The following FANCD2 variants were observed in gnomAD, a reference collection of about 807,000 sequenced individuals.
The protein encoded by FANCD2 is FA complementation group D2, also known as Fanconi anemia group D2 protein.
A neutral mutation model predicts 192.3 loss-of-function variants in FANCD2; 131 were observed. That is an observed-to-expected ratio of 0.68 (90% CI 0.59 to 0.79). The LOEUF is 0.79. Ranked by LOEUF, FANCD2 falls within the 30% of genes least tolerant of loss-of-function variation. The pLI, the probability that FANCD2 is intolerant of heterozygous loss-of-function variation, is 0.00. For synonymous variants in FANCD2, 524 were observed against 612.5 expected (o/e 0.86, Z 2.13); for missense variants, 1,508 against 1,701.6 (o/e 0.89, Z 2.00).
At position 10,074,568 on chromosome 3, in the gene FANCD2, A is replaced by G. The variant is rs149395670; in HGVS notation, c.2754A>G (p.Leu918=). ...AGGAAGAAAAGACATCATTGTTACT[A>G]CATAATTCCCATGCTTTTTTCCGAG... ...TGKEEKTSLL[L]HNSHAFFREL... Residue 918 remains leucine (L), a synonymous_variant, in exon 29 of 44, where the codon CTA becomes CTG. Coordinates refer to ENST00000675286, the MANE Select transcript of FANCD2 (RefSeq NM_001018115.3). 312 of 1,613,852 alleles carry G rather than the reference A, an allele frequency of 1.9e-4. No individual in the cohort carries two copies. Among genetic ancestry groups the G allele is most frequent in the Admixed American group, 8.5e-4 (51 of 60,024 alleles).
In FANCD2 at chr3:10,095,218, C is replaced by T; in HGVS notation, c.3982C>T (p.Leu1328=). ...RKHREDVLSL[L]ETFQLDTRLL... is the part of the protein sequence containing the mutation. ...GTTATAGGAAGATGTTCTGAGCTTA[C>T]TGGAAACCTTCCAGTTGGACACAAG... The change falls in exon 41 of 44, where the codon CTG becomes TTG. Residue 1328 remains leucine, a synonymous_variant. Transcript: ENST00000675286. 1 of 1,614,032 alleles carries T rather than the reference C, an allele frequency of 6.2e-7. No homozygotes were observed. The highest frequency in any genetic ancestry group is 8.5e-7 in the Non-Finnish European group (1 of 1,179,874).
chr3:10,098,794 C>T lies in FANCD2; in HGVS notation c.4260C>T (p.Ala1420=), dbSNP rs367882112. The part of the protein sequence containing the change: ...DESEDDMSSQ[A]SKSKATEDGE... Reference sequence around the variant, plus strand: ...GTGAGGATGACATGTCATCCCAGGCCTCCAAGAGCAAAGCCACTGAGGTAT... The same window carrying T: ...GTGAGGATGACATGTCATCCCAGGCTTCCAAGAGCAAAGCCACTGAGGTAT... The change falls in exon 43 of 44, where the codon GCC becomes GCT. Residue 1420 remains alanine, a synonymous_variant. Transcript: ENST00000675286. 3 of 1,614,066 alleles carry T rather than the reference C, an allele frequency of 1.9e-6. No homozygotes were observed. The highest frequency in any genetic ancestry group is 2.7e-5 in the African/African-American group (2 of 74,922).
chr3:10,063,717 G>A (rs1247162746), intron 20 of FANCD2, 75 bp from the exon 21 acceptor site: 47 of 1,601,498 alleles, frequency 2.9e-5, no homozygotes, highest in Non-Finnish European at 3.8e-5. Context: ...TGAAAAAACA[G>A]TCTTGAAAGG....
rs1490980771 is a variant in FANCD2 at position 10,046,844 on chromosome 3, G to T, written c.1278+121G>T. On this transcript the variant is annotated intron_variant, in intron 15 of 43. Transcript: ENST00000675286. ...ATTGAGATTTTTGAATTTTGTTTTT[G>T]CATTAATCATTTTAATTGTCTATCT... The T allele has an allele frequency of 5.2e-5, 46 of 876,850 alleles. No individual in the cohort carries two copies. The Admixed American group carries it at 9.9e-4, about 19-fold the overall frequency. The allele number at this position is 876,850 out of a possible 1,614,324, so 54.3% of individuals were successfully genotyped here.
At chr3:10,049,263 T>G in intron 16 of FANCD2, 111 bp from the exon 17 acceptor site, 1 of 1,134,038 alleles carries the variant, frequency 8.8e-7, no homozygotes, top group East Asian at 2.3e-5. Flanking sequence ...TGGGTTTGGG[T>G]TGATTGTGAT....
chr3:10,083,767 A>C (rs1693992811), intron 32 of FANCD2: 1 of 151,266 alleles, frequency 6.6e-6, no homozygotes, highest in Non-Finnish European at 1.5e-5. Context: ...AGGCGCCTGT[A>C]GTCCCAGCTA....
At chr3:10,068,745 A>G (rs922499447) in intron 26 of FANCD2, among the ~76,000 whole-genome samples, 4 of 152,198 alleles carry the variant, frequency 2.6e-5, no homozygotes, top group African/African-American at 9.6e-5. Context: ...ACTTCAAATT[A>G]TACTACAGAG....
chr3:10,072,657 A>G (rs1693318183), intron 26 of FANCD2, among the ~76,000 whole-genome samples: 1 of 152,234 alleles, frequency 6.6e-6, no homozygotes, highest in African/African-American at 2.4e-5. Context: ...TGGTTTTATG[A>G]TAATTGATCA....
At position 10,046,495 on chromosome 3, in the gene FANCD2, A is replaced by G. The variant is rs1166162241; in HGVS notation, c.1135-85A>G. On this transcript the variant is annotated intron_variant, in intron 14 of 43. Coordinates refer to ENST00000675286, the MANE Select transcript of FANCD2 (RefSeq NM_001018115.3). ...TGAGCATTATCCATTCTGTGTTTTAATTAGAGGAAAAGCTGCTGTTTCATT... is the reference window on the plus strand; with the variant it reads ...TGAGCATTATCCATTCTGTGTTTTAGTTAGAGGAAAAGCTGCTGTTTCATT... 5.7e-6 allele frequency: 9 copies of G among 1,576,978 alleles called. No individual in the cohort carries two copies. The South Asian group carries it at 5.7e-5, about 10-fold the overall frequency.
chr3:10,079,753 C>T (rs139838412), intron 30 of FANCD2, among the ~76,000 whole-genome samples: 1 of 152,306 alleles, frequency 6.6e-6, no homozygotes, highest in African/African-American at 2.4e-5. Flanking sequence ...TCTAGAACGT[C>T]CAGAACTTCA....
chr3:10,099,127 G>A (rs1490398162), intron 43 of FANCD2: 18 of 1,483,246 alleles, frequency 1.2e-5, no homozygotes, highest in Admixed American at 2.4e-5. Flanking sequence ...AGAAGTCATC[G>A]AAGTATTTTC....
intron 8 of FANCD2, 50 bp from the exon 9 acceptor site, chr3:10,039,671 T>C: frequency 6.2e-7 from 1 of 1,610,592 alleles, no homozygotes; most frequent in Non-Finnish European, 8.5e-7. Flanking sequence ...AGGTAGTCTT[T>C]CTTTATTCTG....
chr3:10,054,729 A>C (rs2087357469), intron 18 of FANCD2, among the ~76,000 whole-genome samples: 1 of 150,698 alleles, frequency 6.6e-6, no homozygotes, highest in African/African-American at 2.4e-5. Context: ...ATGATCCGCC[A>C]GCCTCGGCCT....
At chr3:10,045,124 G>C (rs2086967234) in intron 14 of FANCD2, among the ~76,000 whole-genome samples, 1 of 141,758 alleles carries the variant, frequency 7.1e-6, no homozygotes, top group Non-Finnish European at 1.5e-5. Flanking sequence ...GACTCAGGTT[G>C]CCCTGAATAC....
At chr3:10,061,744 T>G (rs2087573527) in intron 19 of FANCD2, among the ~76,000 whole-genome samples, 1 of 152,214 alleles carries the variant, frequency 6.6e-6, no homozygotes, top group African/African-American at 2.4e-5. Context: ...GTATTTTGTA[T>G]GGACAAAATA....
rs778030235 is a variant in FANCD2, at chr3:10,074,593, G to T, written c.2779G>T (p.Glu927Ter). 2 of 1,613,658 alleles carry T rather than the reference G, an allele frequency of 1.2e-6. No individual in the cohort carries two copies. The highest frequency in any genetic ancestry group is 3.3e-5 in the Admixed American group (2 of 59,980). ...LLHNSHAFFR[E>*]LDIEVFSILH... ...ACATAATTCCCATGCTTTTTTCCGA[G>T]AGCTGGACATTGAGGTCTTCTCTAT... The change falls in exon 29 of 44, where the codon GAG (glutamate) becomes TAG (stop). Residue 927 changes from glutamate (E) to a stop codon, truncating the protein, a stop_gained. Coordinates refer to ENST00000675286, the MANE Select transcript of FANCD2 (RefSeq NM_001018115.3). LOFTEE classifies it high-confidence loss of function.
At position 10,057,791 on chromosome 3, in the gene FANCD2, A is replaced by T. The variant is rs34149319; in HGVS notation, c.1657-2503A>T. Among the ~76,000 whole-genome samples the T allele has an allele frequency of 5.9e-3, 896 of 152,120 alleles. 5 individuals carry two copies. The highest frequency in any genetic ancestry group is 0.02 in the African/African-American group (836 of 41,500). On this transcript the variant is annotated intron_variant, in intron 18 of 43. Transcript: ENST00000675286. Reference sequence around the variant, plus strand: ...CTGAATTGGAATTACTATTAAAATTAAAAAAAACAGCATATTCATTTAACC... The same window carrying T: ...CTGAATTGGAATTACTATTAAAATTTAAAAAAACAGCATATTCATTTAACC...
intron 18 of FANCD2, among the ~76,000 whole-genome samples, chr3:10,053,795 G>C (rs1384934605): frequency 6.6e-6 from 1 of 152,140 alleles, no homozygotes; most frequent in African/African-American, 2.4e-5. Flanking sequence ...TGTTAGGGTA[G>C]AGATGGGTCT....
In FANCD2 at chr3:10,047,168, G is replaced by T. The variant is rs188191066; in HGVS notation, c.1278+445G>T. ...GGATGGGCCAGTGGTTTGGGGTTTG[G>T]GTTAGGAGCTAATGAGAATACCTCG... is the stretch of plus-strand genomic sequence containing the variant. On this transcript the variant is annotated intron_variant, in intron 15 of 43. Transcript: ENST00000675286. Among the ~76,000 whole-genome samples the T allele has an allele frequency of 3.5e-3, 537 of 152,342 alleles. 2 individuals are homozygous for T. The South Asian group carries it at 0.047, about 13-fold the overall frequency.
Sources: allele counts gnomAD v4.1 joint callset (sites outside exome capture counted in the v4.1 genomes callset), GRCh38; gene constraint gnomAD v4.1.1; transcripts MANE v1.5; gene names NCBI Gene and HGNC (gene_info 2026-07-23, HGNC 2026-07-21).